Variants in ANTXR1 observed in about 807,000 individuals in gnomAD.
ANTXR1 encodes ANTXR cell adhesion molecule 1.
Under a neutral mutation model 78.1 loss-of-function variants are expected in ANTXR1, and 19 were observed. That is an observed-to-expected ratio of 0.24 (90% CI 0.17 to 0.36). ANTXR1 has a LOEUF of 0.36. Among genes scored for constraint, ANTXR1 ranks in the 10% least tolerant of loss-of-function variants. The pLI, the probability that ANTXR1 is intolerant of heterozygous loss-of-function variation, is 1.00. For synonymous variants in ANTXR1, 273 were observed against 260.5 expected (o/e 1.05, Z -0.46); for missense variants, 518 against 718.6 (o/e 0.72, Z 3.19).
chr2:69,181,675 C>T (rs1674277029), intron 14 of ANTXR1, 111 bp from the exon 15 acceptor site: 2 of 1,023,238 alleles, frequency 2.0e-6, no homozygotes, highest in Admixed American at 3.4e-5. Context: ...ACTGGGATTG[C>T]ACCCAGGCAG....
chr2:69,109,728 T>A (rs1301508776), intron 10 of ANTXR1, among the ~76,000 whole-genome samples: 1 of 152,170 alleles, frequency 6.6e-6, no homozygotes, highest in Non-Finnish European at 1.5e-5. Flanking sequence ...TAATGGGACA[T>A]GAAGCTGTAA....
chr2:69,131,866 A>G (rs1672758575), intron 12 of ANTXR1, among the ~76,000 whole-genome samples: 1 of 152,134 alleles, frequency 6.6e-6, no homozygotes, highest in South Asian at 2.1e-4. Flanking sequence ...TTAACAGGGG[A>G]AAAAATCTGC....
chr2:69,067,020 G>A (rs1011652202), intron 3 of ANTXR1, among the ~76,000 whole-genome samples: 1 of 152,076 alleles, frequency 6.6e-6, no homozygotes, highest in African/African-American at 2.4e-5. Context: ...CAGTTTCCAA[G>A]AGAAAATAAG....
rs538345325 is a variant in ANTXR1 at position 69,207,194 on chromosome 2, G to A, written c.1434+13779G>A. On this transcript the variant is annotated intron_variant, in intron 17 of 17. Coordinates refer to ENST00000303714, the MANE Select transcript of ANTXR1 (RefSeq NM_032208.3). ...TCGATAGTAGATTTATGTGTCAAAG[G>A]AGAACACATAGACTTTGGATAACTT... 2.0e-5 allele frequency among the ~76,000 whole-genome samples: 3 copies of A among 152,264 alleles called. 1 individual carries two copies. Among genetic ancestry groups the A allele is most frequent in the African/African-American group, 7.2e-5 (3 of 41,566 alleles).
intron 11 of ANTXR1, among the ~76,000 whole-genome samples, 166 bp from the exon 12 acceptor site, chr2:69,124,399 G>A (rs992455830): frequency 3.3e-5 from 5 of 152,130 alleles, no homozygotes; most frequent in African/African-American, 4.8e-5. Context: ...GACTACCCCC[G>A]ACATTTTACA....
chr2:69,244,139 T>A (rs1365742822), intron 17 of ANTXR1, among the ~76,000 whole-genome samples: 2 of 152,188 alleles, frequency 1.3e-5, no homozygotes, highest in Non-Finnish European at 2.9e-5. Flanking sequence ...AGAGAAAGCA[T>A]GCCTGTGACT....
intron 10 of ANTXR1, among the ~76,000 whole-genome samples, chr2:69,109,054 A>G (rs540179500): frequency 8.9e-4 from 135 of 152,190 alleles, no homozygotes; most frequent in Non-Finnish European, 1.7e-3. Flanking sequence ...GCTCTGTCGT[A>G]TCTAGCTGTG....
chr2:69,210,620 G>C (rs1675016936), intron 17 of ANTXR1, among the ~76,000 whole-genome samples: 1 of 152,182 alleles, frequency 6.6e-6, no homozygotes, highest in African/African-American at 2.4e-5. Flanking sequence ...AGTAGGGAAT[G>C]GGGGAGGAAA....
At position 69,248,211 on chromosome 2, in the gene ANTXR1, GTTTTT is replaced by G. The variant is rs57223047; in HGVS notation, c.*2733_*2737del. 1 of 157,588 alleles carries G rather than the reference GTTTTT, an allele frequency of 6.3e-6. No homozygotes were observed. The highest frequency in any genetic ancestry group is 2.5e-5 in the African/African-American group (1 of 40,750). 9.8% of individuals were successfully genotyped at this position (157,588 alleles called of 1,614,324 possible). The stretch of plus-strand genomic sequence containing the variant: ...CCCCGTGTTATTGTCCTTTTGAACT[GTTTTT>G]TTTTTTATTAAAGCCAAATTTGTGT... On this transcript the variant is annotated 3_prime_UTR_variant, in exon 18 of 18. Transcript: ENST00000303714.
chr2:69,176,420 C>T (rs1211228368), intron 14 of ANTXR1, among the ~76,000 whole-genome samples: 6 of 152,194 alleles, frequency 3.9e-5, no homozygotes, highest in Non-Finnish European at 7.3e-5. Context: ...ACCTCCAAGA[C>T]TGACATTGAG....
chr2:69,158,401 C>A (rs1673586242), intron 13 of ANTXR1, among the ~76,000 whole-genome samples: 3 of 152,210 alleles, frequency 2.0e-5, no homozygotes, highest in Admixed American at 2.0e-4. Flanking sequence ...ATCCTGCACA[C>A]CTTTTCCTCA....
chr2:69,170,384 C>T (rs1255075715), intron 14 of ANTXR1, 95 bp downstream of exon 14: 4 of 1,424,530 alleles, frequency 2.8e-6, no homozygotes, highest in Non-Finnish European at 3.0e-6. Flanking sequence ...CCCTGCAGAG[C>T]AGAGCTAAGT....
At chr2:69,147,151 C>T (rs930560101) in intron 12 of ANTXR1, among the ~76,000 whole-genome samples, 9 of 152,322 alleles carry the variant, frequency 5.9e-5, no homozygotes, top group African/African-American at 2.2e-4. Flanking sequence ...CATGTGAGCC[C>T]TGCTGCATTC....
At chr2:69,154,567 AC>A (rs1295600310) in intron 13 of ANTXR1, among the ~76,000 whole-genome samples, 2 of 152,188 alleles carry the variant, frequency 1.3e-5, no homozygotes, top group African/African-American at 4.8e-5. Context: ...AGCACCCCTC[AC>A]CACAGTCCCC....
At chr2:69,080,801 C>T (rs547308054) in intron 8 of ANTXR1, among the ~76,000 whole-genome samples, 1 of 152,180 alleles carries the variant, frequency 6.6e-6, no homozygotes, top group Non-Finnish European at 1.5e-5. Context: ...ATGGAGCCAT[C>T]CATTGGAAGG....
intron 17 of ANTXR1, among the ~76,000 whole-genome samples, chr2:69,231,619 T>C (rs903535241): frequency 1.3e-5 from 2 of 152,192 alleles, no homozygotes; most frequent in Non-Finnish European, 2.9e-5. Flanking sequence ...CTCAGTTGGA[T>C]AGTTCTCATT....
At chr2:69,120,087 T>C (rs1419037436) in intron 10 of ANTXR1, among the ~76,000 whole-genome samples, 2 of 152,204 alleles carry the variant, frequency 1.3e-5, no homozygotes, top group Admixed American at 1.3e-4. Context: ...CCAAACATCA[T>C]CGCTTAGCCT....
intron 17 of ANTXR1, among the ~76,000 whole-genome samples, chr2:69,202,089 G>C (rs1209946523): frequency 2.0e-5 from 3 of 152,190 alleles, no homozygotes; most frequent in Non-Finnish European, 4.4e-5. Context: ...GGCCATGGCA[G>C]TTGAGACCAA....
At chr2:69,080,998 G>C (rs1039923134) in intron 8 of ANTXR1, among the ~76,000 whole-genome samples, 2 of 152,194 alleles carry the variant, frequency 1.3e-5, no homozygotes, top group Admixed American at 6.5e-5. Flanking sequence ...TTGAAATCAA[G>C]ACTCAGGAAA....
Sources: allele counts gnomAD v4.1 joint callset (sites outside exome capture counted in the v4.1 genomes callset), GRCh38; gene constraint gnomAD v4.1.1; transcripts MANE v1.5; gene names NCBI Gene and HGNC (gene_info 2026-07-23, HGNC 2026-07-21).